The following RARB variants were observed in gnomAD, a reference collection of about 807,000 sequenced individuals.
RARB encodes retinoic acid receptor beta, also known as HBV-activated protein.
RARB carries 17 observed loss-of-function variants against 51.9 expected under a neutral mutation model. The ratio of observed to expected loss-of-function variants is 0.33; its 90% CI spans 0.22 to 0.49. The LOEUF is 0.49. Ranked by LOEUF, RARB falls within the 20% of genes least tolerant of loss-of-function variation. The pLI, the probability that RARB is intolerant of heterozygous loss-of-function variation, is 0.99. For synonymous variants in RARB, 215 were observed against 195.4 expected (o/e 1.10, Z -0.84); for missense variants, 369 against 550.8 (o/e 0.67, Z 3.30).
chr3:25,053,831 T>C (rs1282509677), intron 2 of RARB, among the ~76,000 whole-genome samples: 1 of 152,176 alleles, frequency 6.6e-6, no homozygotes, highest in East Asian at 1.9e-4. Context: ...ATCATCTCTC[T>C]TCCTTGCTGA....
intron 4 of RARB, among the ~76,000 whole-genome samples, chr3:25,571,787 G>C (rs2125289967): frequency 6.6e-6 from 1 of 152,260 alleles, no homozygotes; most frequent in East Asian, 1.9e-4. Context: ...AAATAGTTGG[G>C]AGGATGAAAT....
At chr3:25,108,436 C>G (rs139606761) in intron 3 of RARB, among the ~76,000 whole-genome samples, 1,559 of 152,226 alleles carry the variant, frequency 0.01, 15 homozygotes, top group Middle Eastern at 0.017. Flanking sequence ...CCTCTATCAC[C>G]TGGTATCTTG....
intron 3 of RARB, among the ~76,000 whole-genome samples, chr3:25,567,397 A>G (rs911225251): frequency 6.6e-6 from 1 of 152,182 alleles, no homozygotes; most frequent in Non-Finnish European, 1.5e-5. Context: ...ATTTAGAATC[A>G]CACAATGTGT....
chr3:25,280,207 G>C (rs906084124), intron 5 of RARB, among the ~76,000 whole-genome samples: 2 of 152,144 alleles, frequency 1.3e-5, no homozygotes, highest in Non-Finnish European at 2.9e-5. Flanking sequence ...ATAATCTAAT[G>C]CTAATAAACT....
At chr3:25,385,181 C>T (rs888268280) in intron 5 of RARB, among the ~76,000 whole-genome samples, 10 of 152,214 alleles carry the variant, frequency 6.6e-5, no homozygotes, top group Non-Finnish European at 1.5e-4. Context: ...TGCCCTCTCT[C>T]TGTTACACAA....
At chr3:25,306,230 G>A (rs1399184134) in intron 5 of RARB, among the ~76,000 whole-genome samples, 1 of 152,148 alleles carries the variant, frequency 6.6e-6, no homozygotes, top group Non-Finnish European at 1.5e-5. Context: ...CCCCAGGAAG[G>A]CCTGGTATTC....
At chr3:24,863,401 GTC>G (rs1702791038) in intron 2 of RARB, among the ~76,000 whole-genome samples, 1 of 152,206 alleles carries the variant, frequency 6.6e-6, no homozygotes. Context: ...AGCACTTGGA[GTC>G]TCTATCTCGG....
At chr3:24,879,773 T>G (rs1703120898) in intron 2 of RARB, among the ~76,000 whole-genome samples, 1 of 152,176 alleles carries the variant, frequency 6.6e-6, no homozygotes, top group South Asian at 2.1e-4. Context: ...ATTTCCCAGT[T>G]CTCAGTGGAG....
intron 4 of RARB, among the ~76,000 whole-genome samples, chr3:25,154,937 C>A (rs1700350242): frequency 6.6e-6 from 1 of 152,180 alleles, no homozygotes; most frequent in Admixed American, 6.5e-5. Flanking sequence ...ATGAGCATGG[C>A]TTTTACTTTT....
intron 2 of RARB, among the ~76,000 whole-genome samples, chr3:24,932,509 G>T (rs1443824278): frequency 6.6e-6 from 1 of 150,940 alleles, no homozygotes; most frequent in Non-Finnish European, 1.5e-5. Flanking sequence ...GTGCTCATTA[G>T]TGTACTCTAC....
At position 25,509,800 on chromosome 3, in the gene RARB, C is replaced by T. The variant is rs188276140; in HGVS notation, c.448+8477C>T. Among the ~76,000 whole-genome samples, 9 of 152,288 alleles carry T rather than the reference C, an allele frequency of 5.9e-5. 1 individual carries two copies. The highest frequency in any genetic ancestry group is 9.6e-5 in the African/African-American group (4 of 41,570). On this transcript the variant is annotated intron_variant, in intron 3 of 7. Coordinates refer to ENST00000330688, the MANE Select transcript of RARB (RefSeq NM_000965.5). ...CAGCAGTGCTGAGCCCAAGCTAAAT[C>T]GCCACAGAGACAAAGTTGCCCTTCC...
In RARB at chr3:24,948,664, G is replaced by C. The variant is rs183273106; in HGVS notation, c.-380+89912G>C. 1.1e-3 allele frequency among the ~76,000 whole-genome samples: 162 copies of C among 152,268 alleles called. 1 individual carries two copies. The highest frequency in any genetic ancestry group is 3.8e-3 in the African/African-American group (156 of 41,564). On this transcript the variant is annotated intron_variant, in intron 2 of 11. Transcript: ENST00000383772. ...CCTCCGAATCTCATGTCGAGATGTT[G>C]GAGGTGGGCCTGGTGGGAGGGGATT... is the stretch of plus-strand genomic sequence containing the variant.
chr3:25,103,368 T>A (rs1458241740), intron 3 of RARB, among the ~76,000 whole-genome samples: 1 of 152,210 alleles, frequency 6.6e-6, no homozygotes, highest in East Asian at 1.9e-4. Context: ...ATTCCATTAT[T>A]GAACCCCATT....
At chr3:25,513,660 C>T (rs1163526664) in intron 3 of RARB, among the ~76,000 whole-genome samples, 1 of 75,648 alleles carries the variant, frequency 1.3e-5, no homozygotes, top group Non-Finnish European at 2.2e-5. Context: ...TCTCTCAAAA[C>T]TACACACACA....
intron 5 of RARB, among the ~76,000 whole-genome samples, chr3:25,350,489 G>A (rs1290150017): frequency 6.6e-6 from 1 of 152,144 alleles, no homozygotes; most frequent in African/African-American, 2.4e-5. Flanking sequence ...TTAACTTTCT[G>A]CCCAAACACT....
chr3:25,310,594 T>C (rs367671440), intron 5 of RARB, among the ~76,000 whole-genome samples: 1 of 152,162 alleles, frequency 6.6e-6, no homozygotes, highest in African/African-American at 2.4e-5. Context: ...CCATGAACAC[T>C]TTAGAAGGAG....
At chr3:25,042,128 ATAT>A (rs1698126727) in intron 2 of RARB, among the ~76,000 whole-genome samples, 1 of 152,204 alleles carries the variant, frequency 6.6e-6, no homozygotes, top group Admixed American at 6.5e-5. Flanking sequence ...TAATATGGAA[ATAT>A]TATCAGACCT....
intron 5 of RARB, among the ~76,000 whole-genome samples, chr3:25,289,830 A>G (rs1020203235): frequency 6.6e-6 from 1 of 152,198 alleles, no homozygotes; most frequent in African/African-American, 2.4e-5. Flanking sequence ...GAAATCAACC[A>G]AAGGATTAAT....
intron 5 of RARB, among the ~76,000 whole-genome samples, chr3:25,302,383 A>G (rs1400063945): frequency 2.6e-5 from 4 of 152,258 alleles, no homozygotes; most frequent in African/African-American, 9.6e-5. Context: ...TGATGAATGG[A>G]TAAACAAATG....
Sources: gnomAD v4.1 joint callset for allele counts (sites outside exome capture counted in the v4.1 genomes callset) on GRCh38, gnomAD v4.1.1 for gene constraint, MANE v1.5 for transcripts, NCBI Gene and HGNC (gene_info 2026-07-23, HGNC 2026-07-21) for gene names.